The following SLC60A2 variants were observed in gnomAD, a reference collection of about 807,000 sequenced individuals.
SLC60A2 encodes major facilitator superfamily domain containing 4B.
chr6:111,264,585 G>A, the SLC60A2 span, among the ~76,000 whole-genome samples: 4 of 151,996 alleles, frequency 2.6e-5, no homozygotes, highest in South Asian at 2.1e-4. Context: ...TCAGGAGATC[G>A]AGACCATCCT....
the SLC60A2 span, among the ~76,000 whole-genome samples, chr6:111,273,500 T>TG: frequency 2.6e-4 from 31 of 117,360 alleles, no homozygotes; most frequent in African/African-American, 6.8e-4. Flanking sequence ...ATTTGTGTTT[T>TG]TTTTTTTTTT....
At chr6:111,265,323 T>A in the SLC60A2 span, 2 of 984,942 alleles carry the variant, frequency 2.0e-6, no homozygotes, top group Non-Finnish European at 2.4e-6. Context: ...CTCCTAGACG[T>A]TTAGACAGTA....
At chr6:111,261,998 A>G in the SLC60A2 span, among the ~76,000 whole-genome samples, 7 of 152,296 alleles carry the variant, frequency 4.6e-5, no homozygotes, top group Middle Eastern at 3.4e-3. Context: ...TTAATACAGA[A>G]TAGTCTTTTA....
At chr6:111,277,830 A>T in the SLC60A2 span, 8 of 152,242 alleles carry the variant, frequency 5.3e-5, no homozygotes, top group African/African-American at 1.9e-4. Flanking sequence ...ATAGGCAAGA[A>T]GGCTTAGGAA....
At chr6:111,274,290 A>C in the SLC60A2 span, among the ~76,000 whole-genome samples, 27 of 152,124 alleles carry the variant, frequency 1.8e-4, no homozygotes, top group Non-Finnish European at 3.8e-4. Flanking sequence ...TTTTGGATAT[A>C]GTCTATTTTA....
At chr6:111,262,242 CTT>C in the SLC60A2 span, 1 of 1,600,996 alleles carries the variant, frequency 6.2e-7, no homozygotes, top group Non-Finnish European at 8.5e-7. Flanking sequence ...AAACTTTTGT[CTT>C]TTTAAATTTT....
At chr6:111,271,598 GA>G in the SLC60A2 span, among the ~76,000 whole-genome samples, 3 of 151,204 alleles carry the variant, frequency 2.0e-5, no homozygotes, top group African/African-American at 7.3e-5. Flanking sequence ...ACCTAATTGG[GA>G]GATGATCAGT....
chr6:111,266,141 GT>G, the SLC60A2 span: 1 of 1,613,238 alleles, frequency 6.2e-7, no homozygotes, highest in Non-Finnish European at 8.5e-7. Flanking sequence ...GTACTTACAT[GT>G]TCTTAGTTTC....
chr6:111,260,004 G>C, the SLC60A2 span, among the ~76,000 whole-genome samples: 2 of 146,592 alleles, frequency 1.4e-5, no homozygotes, highest in African/African-American at 5.1e-5. Context: ...TCTGCCCCCA[G>C]GGTTCAAGCG....
the SLC60A2 span, among the ~76,000 whole-genome samples, chr6:111,273,758 C>T: frequency 6.6e-6 from 1 of 152,048 alleles, no homozygotes; most frequent in Non-Finnish European, 1.5e-5. Flanking sequence ...CAGAGTCTCA[C>T]TCTGTTACCC....
At chr6:111,266,689 T>C in the SLC60A2 span, 3 of 1,614,210 alleles carry the variant, frequency 1.9e-6, no homozygotes. Context: ...ATTGGAATTC[T>C]TCAAGGAAAA....
chr6:111,271,213 A>G, the SLC60A2 span: 4 of 146,552 alleles, frequency 2.7e-5, no homozygotes, highest in Non-Finnish European at 1.5e-5. Flanking sequence ...GTTGAATATG[A>G]GGGAAATAAG....
the SLC60A2 span, among the ~76,000 whole-genome samples, chr6:111,273,291 A>G: frequency 4.6e-5 from 7 of 152,122 alleles, no homozygotes; most frequent in South Asian, 1.5e-3. Flanking sequence ...CTAGGATTAC[A>G]GGTGTCACTA....
the SLC60A2 span, among the ~76,000 whole-genome samples, chr6:111,279,165 C>T: frequency 6.6e-6 from 1 of 152,142 alleles, no homozygotes; most frequent in Non-Finnish European, 1.5e-5. Flanking sequence ...AAAACTGGAT[C>T]CTCTACTAAT....
chr6:111,262,732 A>G, the SLC60A2 span, among the ~76,000 whole-genome samples: 1 of 152,186 alleles, frequency 6.6e-6, no homozygotes, highest in Non-Finnish European at 1.5e-5. Flanking sequence ...AACTCTGCTT[A>G]GAGGGTTTAG....
chr6:111,267,182 C>A, the SLC60A2 span: 1 of 1,437,898 alleles, frequency 7.0e-7, no homozygotes, highest in Non-Finnish European at 9.4e-7. Context: ...CCATTCAGAG[C>A]AGAGCATTAG....
chr6:111,266,098 A>G, the SLC60A2 span: 11 of 1,614,066 alleles, frequency 6.8e-6, no homozygotes, highest in East Asian at 2.2e-5. Flanking sequence ...GTACCTAATG[A>G]TAAGAATTTA....
At chr6:111,264,773 G>C in the SLC60A2 span, among the ~76,000 whole-genome samples, 1 of 139,828 alleles carries the variant, frequency 7.2e-6, no homozygotes, top group Non-Finnish European at 1.5e-5. Flanking sequence ...GGGTGACAGA[G>C]TGAGACTCCA....
At chr6:111,262,320 A>T in the SLC60A2 span, 5 of 1,614,140 alleles carry the variant, frequency 3.1e-6, no homozygotes, top group South Asian at 5.5e-5. Context: ...GAACCGAAAT[A>T]TCAGTAGTCT....
Sources: gnomAD v4.1 joint callset for allele counts (sites outside exome capture counted in the v4.1 genomes callset) on GRCh38, gnomAD v4.1.1 for gene constraint, MANE v1.5 for transcripts, NCBI Gene and HGNC (gene_info 2026-07-23, HGNC 2026-07-21) for gene names.